The following WASHC2C variants were observed in gnomAD, a reference collection of about 807,000 sequenced individuals.
WASHC2C encodes Vaccinia Penetration Factor.
Under a neutral mutation model 142.2 loss-of-function variants are expected in WASHC2C, and 73 were observed. The observed-to-expected ratio is 0.51, with a 90% CI of 0.43 to 0.62. The LOEUF (loss-of-function observed/expected upper bound fraction) is 0.62. Among genes scored for constraint, WASHC2C ranks in the 20% least tolerant of loss-of-function variants. The pLI, the probability that WASHC2C is intolerant of heterozygous loss-of-function variation, is 0.00. For synonymous variants in WASHC2C, 337 were observed against 565.5 expected, an observed-to-expected ratio of 0.60 and a Z score of 5.73; for missense variants, 969 against 1,531.7, an observed-to-expected ratio of 0.63 and a Z score of 6.13.
At chr10:45,743,173 G>A (rs1162948718) in intron 5 of WASHC2C, among the ~76,000 whole-genome samples, 4 of 151,758 alleles carry the variant, frequency 2.6e-5, no homozygotes, top group East Asian at 1.9e-4. Flanking sequence ...CATGGTGCCC[G>A]GCCTTACCTT....
At chr10:45,748,353 G>A (rs1388321691) in intron 8 of WASHC2C, among the ~76,000 whole-genome samples, 2 of 138,192 alleles carry the variant, frequency 1.4e-5, no homozygotes, top group Admixed American at 8.5e-5. Flanking sequence ...GCAGTGGCAC[G>A]ATATTGGTTC....
intron 19 of WASHC2C, among the ~76,000 whole-genome samples, chr10:45,766,494 A>G (rs201217672): frequency 9.1e-4 from 133 of 146,822 alleles, no homozygotes; most frequent in East Asian, 6.7e-3. Context: ...AAGGTCAGAG[A>G]GACCTTTCTG....
chr10:45,742,242 T>C (rs1302026177), intron 5 of WASHC2C, among the ~76,000 whole-genome samples: 1 of 152,290 alleles, frequency 6.6e-6, no homozygotes, highest in Admixed American at 6.5e-5. Context: ...AACTTCACTT[T>C]TCTAAATTCA....
At chr10:45,781,717 TC>T (rs1219119960) in intron 23 of WASHC2C, among the ~76,000 whole-genome samples, 3 of 126,824 alleles carry the variant, frequency 2.4e-5, no homozygotes, top group African/African-American at 8.7e-5. Context: ...ACTGTACAAC[TC>T]CTAGAATCTA....
chr10:45,736,405 C>CAAAAAAAAAAA (rs71520974), intron 3 of WASHC2C, among the ~76,000 whole-genome samples: 2 of 24,562 alleles, frequency 8.1e-5, no homozygotes, highest in Non-Finnish European at 1.4e-4. Flanking sequence ...GACTCCATCT[C>CAAAAAAAAAAA]AAAAAAAAAA....
chr10:45,758,883 C>T (rs1209141126), intron 16 of WASHC2C, among the ~76,000 whole-genome samples: 12 of 148,936 alleles, frequency 8.1e-5, no homozygotes, highest in African/African-American at 2.5e-4. Flanking sequence ...TCTTTAAGCC[C>T]TTCTGACTGC....
chr10:45,761,514 C>T (rs1186115003), intron 17 of WASHC2C, among the ~76,000 whole-genome samples: 1 of 152,154 alleles, frequency 6.6e-6, no homozygotes, highest in Non-Finnish European at 1.5e-5. Context: ...TGTGTGTCAT[C>T]ATAGAGTGAA....
At chr10:45,790,584 C>T (rs1249855842) in intron 30 of WASHC2C, 51 bp downstream of exon 30, 1 of 1,611,978 alleles carries the variant, frequency 6.2e-7, no homozygotes, top group Non-Finnish European at 8.5e-7. Flanking sequence ...CTTTCCATCA[C>T]TTGGTATTTT....
chr10:45,772,335 C>T (rs1339523580), intron 20 of WASHC2C, among the ~76,000 whole-genome samples: 4 of 151,632 alleles, frequency 2.6e-5, no homozygotes, highest in Admixed American at 1.3e-4. Flanking sequence ...TTGCACAACT[C>T]GATGAGTATA....
chr10:45,784,244 G>GTATATATATATATATATATA, intron 23 of WASHC2C, among the ~76,000 whole-genome samples: 1 of 38,934 alleles, frequency 2.6e-5, no homozygotes, highest in African/African-American at 8.1e-5. Context: ...ATATATATGT[G>GTATATATATATATATATATA]TGTGTGTGTA....
At chr10:45,769,987 T>C (rs1357494509) in intron 20 of WASHC2C, among the ~76,000 whole-genome samples, 1 of 151,928 alleles carries the variant, frequency 6.6e-6, no homozygotes, top group Non-Finnish European at 1.5e-5. Flanking sequence ...ACGCCTGTAA[T>C]CCCAGCACTT....
intron 23 of WASHC2C, among the ~76,000 whole-genome samples, chr10:45,781,247 G>A (rs1554887927): frequency 6.6e-6 from 1 of 152,212 alleles, no homozygotes; most frequent in Non-Finnish European, 1.5e-5. Flanking sequence ...GACATCTTGT[G>A]TTTATGGACC....
intron 20 of WASHC2C, among the ~76,000 whole-genome samples, chr10:45,772,911 G>A (rs569593437): frequency 1.3e-5 from 2 of 152,210 alleles, no homozygotes; most frequent in South Asian, 4.1e-4. Context: ...CGTCCGCTTT[G>A]ATTCTTTTTG....
rs371153359 is a variant in WASHC2C at position 45,755,023 on chromosome 10, A to G, written c.1328A>G (p.Tyr443Cys). Residue 443 changes from tyrosine (Y) to cysteine (C), a missense_variant, in exon 15 of 31, where the codon TAT (tyrosine) becomes TGT (cysteine). Physicochemically the swap from Tyr to Cys is radical, Grantham distance 194. Coordinates refer to ENST00000623400, the MANE Select transcript of WASHC2C (RefSeq NM_001330074.2). ...CAGCCCACTCCAAGGAAAAGCCCCT[A>G]TGGTCCCCCTCCCACTGGCCTCTTT... ...PEQPTPRKSPYGPPPTGLFDD... is the reference protein window; with the variant it reads ...PEQPTPRKSPCGPPPTGLFDD... The G allele has an allele frequency of 1.3e-4, 204 of 1,611,734 alleles. 1 individual carries two copies. The highest frequency in any genetic ancestry group is 1.5e-4 in the Non-Finnish European group (179 of 1,179,838).
chr10:45,742,535 CA>C (rs2052231794), intron 5 of WASHC2C, among the ~76,000 whole-genome samples: 1 of 152,114 alleles, frequency 6.6e-6, no homozygotes. Context: ...AGGCTGGTCT[CA>C]AACTCCTGAC....
chr10:45,733,497 A>C (rs2050853939), intron 3 of WASHC2C, among the ~76,000 whole-genome samples: 1 of 152,190 alleles, frequency 6.6e-6, no homozygotes, highest in Non-Finnish European at 1.5e-5. Flanking sequence ...GGGTATAGCT[A>C]TCTGACTGTA....
chr10:45,732,592 TA>T (rs1174506922), intron 3 of WASHC2C, among the ~76,000 whole-genome samples: 10 of 150,582 alleles, frequency 6.6e-5, no homozygotes, highest in East Asian at 1.9e-4. Context: ...TTTGTAAAAT[TA>T]AAAAAAAAAT....
At position 45,792,770 on chromosome 10, in the gene WASHC2C, A is replaced by G. The variant is rs1235714109; in HGVS notation, c.*370A>G. On this transcript the variant is annotated 3_prime_UTR_variant, in exon 31 of 31. Transcript: ENST00000623400. ...AGAAGTCTTTGTTATATGGATGGGA[A>G]CCCTAACTTAGGGCTTGGGCAGGGG... 1.8e-5 allele frequency: 9 copies of G among 500,326 alleles called. No homozygotes were observed. Among genetic ancestry groups the G allele is most frequent in the African/African-American group, 1.7e-4 (9 of 51,480 alleles). 31.0% of individuals were successfully genotyped at this position (500,326 alleles called of 1,614,324 possible).
chr10:45,744,756 A>G (rs2052603083), intron 6 of WASHC2C, 65 bp from the exon 7 acceptor site: 1 of 455,408 alleles, frequency 2.2e-6, no homozygotes, highest in East Asian at 3.6e-5. Context: ...GTGGTTTGTG[A>G]TTTTGAGCTA....
Sources: allele counts gnomAD v4.1 joint callset (sites outside exome capture counted in the v4.1 genomes callset), GRCh38; gene constraint gnomAD v4.1.1; transcripts MANE v1.5; gene names NCBI Gene and HGNC (gene_info 2026-07-23, HGNC 2026-07-21).